The following SPTAN1 variants were observed in gnomAD, a reference collection of about 807,000 sequenced individuals.
SPTAN1 encodes spectrin alpha chain, non-erythrocytic 1.
In SPTAN1, 61 loss-of-function variants were observed where a neutral mutation model predicts 331.3. The observed-to-expected ratio is 0.18, with a 90% CI of 0.15 to 0.23. The LOEUF (loss-of-function observed/expected upper bound fraction) is 0.23. SPTAN1 is among the 10% of genes least tolerant of loss of function. SPTAN1 has a pLI of 1.00. For synonymous variants in SPTAN1, 1,153 were observed against 1,173.9 expected (o/e 0.98, Z 0.36); for missense variants, 2,043 against 3,147.9 (o/e 0.65, Z 8.40).
intron 38 of SPTAN1, 30 bp from the exon 39 acceptor site, chr9:128,612,079 A>C: frequency 6.2e-7 from 1 of 1,614,026 alleles, no homozygotes; most frequent in Non-Finnish European, 8.5e-7. Flanking sequence ...CATAGATTTC[A>C]TCTCTTTTTG....
intron 18 of SPTAN1, 135 bp downstream of exon 18, chr9:128,584,978 G>T: frequency 1.0e-6 from 1 of 968,568 alleles, no homozygotes; most frequent in Non-Finnish European, 1.6e-6. Context: ...CTAACTGTAT[G>T]ACCTGACCAG....
rs1388118308 is a variant in SPTAN1, at chr9:128,561,688, AG to A, written c.-3-5049del. Among the ~76,000 whole-genome samples, 15 of 147,288 alleles carry A rather than the reference AG, an allele frequency of 1.0e-4. 1 individual carries two copies. Among genetic ancestry groups the A allele is most frequent in the African/African-American group, 3.7e-4 (15 of 40,418 alleles). Reference sequence around the variant, plus strand: ...AAAAAAAAAAAAAAAAAAAAAAAAAAGAATATGTCAATATGTCAACTCTAAT... The same window carrying A: ...AAAAAAAAAAAAAAAAAAAAAAAAAAAATATGTCAATATGTCAACTCTAAT... On this transcript the variant is annotated intron_variant, in intron 1 of 56. Transcript: ENST00000372739.
At chr9:128,559,397 G>A (rs1255101890) in intron 1 of SPTAN1, among the ~76,000 whole-genome samples, 2 of 152,158 alleles carry the variant, frequency 1.3e-5, no homozygotes, top group Non-Finnish European at 2.9e-5. Context: ...ATCATAAAGG[G>A]CTGTTCCCAA....
At chr9:128,598,554 T>C (rs1473029242) in intron 25 of SPTAN1, 50 bp downstream of exon 25, 3 of 1,387,612 alleles carry the variant, frequency 2.2e-6, no homozygotes, top group Middle Eastern at 1.8e-4. Context: ...AGGATGCAGC[T>C]TTGTTCCTCT....
chr9:128,606,376 A>AAAAAAAAAC (rs1855859733), intron 31 of SPTAN1, among the ~76,000 whole-genome samples: 1 of 142,208 alleles, frequency 7.0e-6, no homozygotes, highest in South Asian at 2.1e-4. Flanking sequence ...CTCTGCCTCA[A>AAAAAAAAAC]AAAAAAAAAA....
intron 3 of SPTAN1, among the ~76,000 whole-genome samples, chr9:128,571,291 GA>G (rs57643375): frequency 4.8e-5 from 7 of 145,802 alleles, no homozygotes; most frequent in African/African-American, 1.8e-4. Context: ...CTGGGAAAAA[GA>G]AAAAAAAAAA....
At chr9:128,587,174 C>G (rs553483624) in intron 19 of SPTAN1, among the ~76,000 whole-genome samples, 11 of 152,156 alleles carry the variant, frequency 7.2e-5, no homozygotes, top group Non-Finnish European at 1.3e-4. Flanking sequence ...CAGCTTTGAC[C>G]TCCTGTGCTC....
intron 45 of SPTAN1, 99 bp downstream of exon 45, chr9:128,621,355 C>A: frequency 4.0e-6 from 4 of 1,007,354 alleles, no homozygotes; most frequent in Non-Finnish European, 6.2e-6. Context: ...GGATGTTCAC[C>A]AAACCAAGGT....
At chr9:128,613,897 C>T (rs1415305321) in intron 40 of SPTAN1, among the ~76,000 whole-genome samples, 1 of 151,740 alleles carries the variant, frequency 6.6e-6, no homozygotes, top group Non-Finnish European at 1.5e-5. Flanking sequence ...CCCAGGTACT[C>T]AGGCGACTGA....
chr9:128,628,065 C>A, intron 51 of SPTAN1, 123 bp downstream of exon 51: 1 of 1,184,428 alleles, frequency 8.4e-7, no homozygotes, highest in Non-Finnish European at 1.3e-6. Context: ...GCTGCACTTC[C>A]CCTCCCACCC....
rs756560952 is a variant in SPTAN1, at chr9:128,615,719, A to G, written c.5236A>G (p.Thr1746Ala). Residue 1746 changes from threonine (T) to alanine (A), a missense_variant, in exon 41 of 57, where the codon ACC (threonine) becomes GCC (alanine). Thr to Ala is a moderately conservative substitution (Grantham distance 58). Transcript: ENST00000372739. ...CTCCCAAGTAAAGGACAAGAGGGAC[A>G]CCATCAACGGGCGCTTCCAGAAGAT... ...DTSQVKDKRD[T>A]INGRFQKIKS... is the part of the protein sequence containing the mutation. The G allele has an allele frequency of 1.9e-5, 31 of 1,614,120 alleles. No individual in the cohort carries two copies. The Admixed American group carries it at 2.0e-4, about 10-fold the overall frequency.
In SPTAN1 at chr9:128,596,120, A is replaced by C. The variant is rs541671129; in HGVS notation, c.3414+1747A>C. 2.8e-4 allele frequency: 43 copies of C among 152,394 alleles called. 1 individual carries two copies. The highest frequency in any genetic ancestry group is 1.0e-3 in the African/African-American group (42 of 41,560). The allele number at this position is 152,394 out of a possible 1,614,324, so 9.4% of individuals were successfully genotyped here. The stretch of plus-strand genomic sequence containing the variant: ...TGCCCTCCCAAAGTGCTGGGATTAC[A>C]GGTGTGAGCCACCGCACCCGGCCCA... On this transcript the variant is annotated intron_variant, in intron 24 of 56. Transcript: ENST00000372739.
At position 128,576,065 on chromosome 9, in the gene SPTAN1, G is replaced by A. The variant is rs1851273932; in HGVS notation, c.651+720G>A. Among the ~76,000 whole-genome samples the A allele has an allele frequency of 2.0e-5, 3 of 152,304 alleles. No homozygotes were observed. In the South Asian group the frequency reaches 6.2e-4, roughly 32 times the overall value. On this transcript the variant is annotated intron_variant, in intron 5 of 56. Transcript: ENST00000372739. ...CTCAGAAATATCTCACCCTTCCACA[G>A]TGACAGATGTGTTGCTTTTCCAAAC...
In SPTAN1 at chr9:128,598,245, C is replaced by T. The variant is rs118026701; in HGVS notation, c.3415-155C>T. On this transcript the variant is annotated intron_variant, in intron 24 of 56. Transcript: ENST00000372739. ...TTACAGGCGTGAGCCACCATGCCCC[C>T]AGCCATAGCTTATTTTTTTAATCCC... 0.031 allele frequency among the ~76,000 whole-genome samples: 4,669 copies of T among 152,130 alleles called. 145 individuals are homozygous for T. The highest frequency in any genetic ancestry group is 0.038 in the Non-Finnish European group (2,616 of 67,972).
chr9:128,573,819 T>C (rs1302837270), intron 3 of SPTAN1, among the ~76,000 whole-genome samples: 4 of 151,632 alleles, frequency 2.6e-5, no homozygotes, highest in Non-Finnish European at 5.9e-5. Context: ...AGTGGCACAA[T>C]CATGGCTCAC....
chr9:128,598,741 A>G (rs1854649487), intron 25 of SPTAN1: 2 of 640,012 alleles, frequency 3.1e-6, no homozygotes, highest in South Asian at 1.9e-5. Context: ...AGCTCATTAA[A>G]TATTTAATGT....
At chr9:128,567,276 T>TTTTTG (rs537687332) in intron 2 of SPTAN1, among the ~76,000 whole-genome samples, 1 of 152,054 alleles carries the variant, frequency 6.6e-6, no homozygotes, top group Non-Finnish European at 1.5e-5. Context: ...GGAATGAGGT[T>TTTTTG]TTTTGTTTTG....
chr9:128,554,636 A>G (rs1354137591), intron 1 of SPTAN1, among the ~76,000 whole-genome samples: 1 of 152,222 alleles, frequency 6.6e-6, no homozygotes, highest in Non-Finnish European at 1.5e-5. Context: ...TCCGTGGGCT[A>G]TGCAGGGATC....
intron 1 of SPTAN1, among the ~76,000 whole-genome samples, chr9:128,558,322 C>A (rs1848894086): frequency 6.6e-6 from 1 of 152,226 alleles, no homozygotes; most frequent in Non-Finnish European, 1.5e-5. Context: ...TTATAAATAG[C>A]CTACGTCTTC....
Sources: allele counts gnomAD v4.1 joint callset (sites outside exome capture counted in the v4.1 genomes callset), GRCh38; gene constraint gnomAD v4.1.1; transcripts MANE v1.5; gene names NCBI Gene and HGNC (gene_info 2026-07-23, HGNC 2026-07-21).